Variants in ADAMTSL1 observed in about 807,000 individuals in gnomAD.
ADAMTSL1 encodes ADAMTS-like protein 1.
A neutral mutation model predicts 201.8 loss-of-function variants in ADAMTSL1; 126 were observed. That is an observed-to-expected ratio of 0.62 (90% CI 0.54 to 0.72). The LOEUF (loss-of-function observed/expected upper bound fraction) is 0.72, where lower values mean the gene tolerates loss of function less well. Among genes scored for constraint, ADAMTSL1 ranks in the 30% least tolerant of loss-of-function variants. ADAMTSL1 has a pLI of 0.00. For missense variants in ADAMTSL1, 2,679 were observed against 2,277.8 expected, an observed-to-expected ratio of 1.18 and a Z score of -3.59; for synonymous variants, 1,121 against 903.4, an observed-to-expected ratio of 1.24 and a Z score of -4.32.
At chr9:18,169,884 A>C (rs1318730203) in intron 2 of ADAMTSL1, among the ~76,000 whole-genome samples, 1 of 152,014 alleles carries the variant, frequency 6.6e-6, no homozygotes. Flanking sequence ...ATGTTTTAAA[A>C]AGGTAAGTCA....
chr9:18,339,502 G>C lies in ADAMTSL1; in HGVS notation c.208-165327G>C, dbSNP rs942992356. Among the ~76,000 whole-genome samples, 20 of 152,260 alleles carry C rather than the reference G, an allele frequency of 1.3e-4. No homozygotes were observed. The East Asian group carries it at 3.9e-3, about 29-fold the overall frequency. ...ACAAAGGGAACGCTTATACATTGTTGGTGGGAATGTAAATTAGTTCAGCCA... is the reference window on the plus strand; with the variant it reads ...ACAAAGGGAACGCTTATACATTGTTCGTGGGAATGTAAATTAGTTCAGCCA... On this transcript the variant is annotated intron_variant, in intron 2 of 29. Transcript: ENST00000680146.
At chr9:18,419,096 C>G (rs1818823475) in intron 2 of ADAMTSL1, among the ~76,000 whole-genome samples, 1 of 152,146 alleles carries the variant, frequency 6.6e-6, no homozygotes, top group Admixed American at 6.5e-5. Context: ...AAAGAATTGT[C>G]TTTTTAACAA....
chr9:18,882,526 A>T (rs1828593758), intron 23 of ADAMTSL1, among the ~76,000 whole-genome samples: 1 of 152,166 alleles, frequency 6.6e-6, no homozygotes, highest in African/African-American at 2.4e-5. Context: ...GTTGGAGGGT[A>T]TAGGTGCCCG....
intron 5 of ADAMTSL1, among the ~76,000 whole-genome samples, chr9:18,626,862 T>TA (rs1167418771): frequency 2.9e-4 from 39 of 132,606 alleles, no homozygotes; most frequent in African/African-American, 7.8e-4. Flanking sequence ...TTTCTTTCTT[T>TA]CTTTCTGTCT....
chr9:18,008,589 T>C (rs1410084426), intron 1 of ADAMTSL1, among the ~76,000 whole-genome samples: 2 of 151,820 alleles, frequency 1.3e-5, no homozygotes, highest in Non-Finnish European at 1.5e-5. Context: ...GCAGTGGGAA[T>C]TTGCTCATTA....
chr9:17,966,343 A>G (rs1768452476), intron 1 of ADAMTSL1, among the ~76,000 whole-genome samples: 4 of 152,164 alleles, frequency 2.6e-5, no homozygotes, highest in African/African-American at 7.2e-5. Flanking sequence ...AAGTACAAAA[A>G]CCACAGAAAT....
At chr9:18,049,618 T>TC (rs1451549746) in intron 1 of ADAMTSL1, among the ~76,000 whole-genome samples, 1 of 123,668 alleles carries the variant, frequency 8.1e-6, no homozygotes, top group Non-Finnish European at 1.9e-5. Flanking sequence ...GACTTCTTAT[T>TC]CTTTTTTTTT....
chr9:18,313,274 C>T (rs999863855), intron 2 of ADAMTSL1, among the ~76,000 whole-genome samples: 2 of 152,118 alleles, frequency 1.3e-5, no homozygotes, highest in South Asian at 2.1e-4. Flanking sequence ...CCTGACTTAC[C>T]GTAAAAAGAA....
intron 2 of ADAMTSL1, among the ~76,000 whole-genome samples, chr9:18,411,498 C>T (rs904575618): frequency 3.3e-5 from 5 of 152,086 alleles, no homozygotes; most frequent in East Asian, 1.9e-4. Context: ...CATACCTGGC[C>T]TGATGGGTAG....
At chr9:18,661,843 A>C (rs911404268) in intron 8 of ADAMTSL1, 92 bp from the exon 9 acceptor site, 66 of 1,331,102 alleles carry the variant, frequency 5.0e-5, no homozygotes, top group Non-Finnish European at 6.4e-5. Flanking sequence ...TTGGGGAATA[A>C]TTTCCATTGA....
At chr9:18,709,736 G>A (rs1416629456) in intron 14 of ADAMTSL1, among the ~76,000 whole-genome samples, 1 of 152,144 alleles carries the variant, frequency 6.6e-6, no homozygotes, top group Non-Finnish European at 1.5e-5. Flanking sequence ...CATGTGAACT[G>A]ATAGGTGTTA....
At chr9:18,316,973 G>C (rs1224509162) in intron 2 of ADAMTSL1, among the ~76,000 whole-genome samples, 2 of 152,168 alleles carry the variant, frequency 1.3e-5, no homozygotes, top group Non-Finnish European at 1.5e-5. Flanking sequence ...ATATGGAAAT[G>C]ACCTAAGTGT....
At chr9:18,557,056 C>A (rs1278563870) in intron 3 of ADAMTSL1, among the ~76,000 whole-genome samples, 1 of 151,944 alleles carries the variant, frequency 6.6e-6, no homozygotes, top group Non-Finnish European at 1.5e-5. Context: ...TCATTAAACT[C>A]TTTCCATGGT....
intron 1 of ADAMTSL1, among the ~76,000 whole-genome samples, chr9:18,109,774 C>T (rs990027257): frequency 6.6e-6 from 1 of 152,142 alleles, no homozygotes; most frequent in African/African-American, 2.4e-5. Flanking sequence ...CAGCGTGGCA[C>T]CAGGTCTTGC....
At chr9:18,741,588 T>C (rs915676353) in intron 15 of ADAMTSL1, among the ~76,000 whole-genome samples, 1 of 152,194 alleles carries the variant, frequency 6.6e-6, no homozygotes, top group African/African-American at 2.4e-5. Context: ...GGGGCTTCCA[T>C]AACAAACAAA....
At chr9:18,479,081 TG>T (rs1821600324) in intron 1 of ADAMTSL1, among the ~76,000 whole-genome samples, 1 of 152,228 alleles carries the variant, frequency 6.6e-6, no homozygotes, top group Non-Finnish European at 1.5e-5. Flanking sequence ...GCCTGCTAAC[TG>T]GGGTAAGCTG....
chr9:18,631,046 C>T (rs10963684), intron 5 of ADAMTSL1, among the ~76,000 whole-genome samples: 20,027 of 152,168 alleles, frequency 0.13, 1,444 homozygotes, highest in Admixed American at 0.2. Context: ...TCAGGATTAT[C>T]GCCTGAGTGA....
At chr9:18,634,005 C>T (rs926813701) in intron 5 of ADAMTSL1, among the ~76,000 whole-genome samples, 3 of 152,134 alleles carry the variant, frequency 2.0e-5, no homozygotes, top group Non-Finnish European at 2.9e-5. Flanking sequence ...CCAGGCTATA[C>T]ATCCCTATAT....
At chr9:18,610,085 G>A (rs1202752433) in intron 4 of ADAMTSL1, among the ~76,000 whole-genome samples, 1 of 152,082 alleles carries the variant, frequency 6.6e-6, no homozygotes, top group Non-Finnish European at 1.5e-5. Flanking sequence ...GGCCAGGGAA[G>A]TGAACATGTG....
Sources: allele counts gnomAD v4.1 joint callset (sites outside exome capture counted in the v4.1 genomes callset), GRCh38; gene constraint gnomAD v4.1.1; transcripts MANE v1.5; gene names NCBI Gene and HGNC (gene_info 2026-07-23, HGNC 2026-07-21).